CASK: variants seen among roughly 807,000 people sequenced by gnomAD.
CASK encodes calcium/calmodulin dependent serine protein kinase.
In CASK, 4 loss-of-function variants were observed where a neutral mutation model predicts 82.9. The observed-to-expected ratio is 0.05, with a 90% CI of 0.02 to 0.11. The LOEUF (loss-of-function observed/expected upper bound fraction) is 0.11, where lower values mean the gene tolerates loss of function less well. Among genes scored for constraint, CASK ranks in the 10% least tolerant of loss-of-function variants. CASK has a pLI of 1.00. For synonymous variants in CASK, 259 were observed against 253.5 expected (o/e 1.02, Z -0.20); for missense variants, 358 against 720.9 (o/e 0.50, Z 5.76).
chrX:41,833,795 C>T (rs746911489), intron 2 of CASK, among the ~76,000 whole-genome samples: 1 of 111,855 alleles, frequency 8.9e-6, no homozygotes, highest in South Asian at 3.8e-4. Flanking sequence ...GTCGCCCAGG[C>T]TGGAGTGCAG....
At chrX:41,763,215 T>C (rs186414668) in intron 3 of CASK, among the ~76,000 whole-genome samples, 50 of 111,539 alleles carry the variant, frequency 4.5e-4, no homozygotes, top group African/African-American at 1.5e-3. Flanking sequence ...TTTGGGGTCA[T>C]GTGCAAGCGC....
intron 25 of CASK, chrX:41,524,854 TCCAAGGAACAAAAC>T (rs1233453700): frequency 9.0e-6 from 1 of 111,235 alleles, no homozygotes; most frequent in East Asian, 2.8e-4. Context: ...CAAACTCCCT[TCCAAGGAACAAAAC>T]CCAACACATA....
chrX:41,707,181 T>C (rs1012858280), intron 5 of CASK, among the ~76,000 whole-genome samples: 1 of 112,507 alleles, frequency 8.9e-6, no homozygotes, highest in Non-Finnish European at 1.9e-5. Flanking sequence ...AGACTTGCTT[T>C]GACCAATAAA....
chrX:41,608,329 C>A (rs1405023041), intron 12 of CASK, among the ~76,000 whole-genome samples: 1 of 112,213 alleles, frequency 8.9e-6, no homozygotes, highest in Non-Finnish European at 1.9e-5. Flanking sequence ...TAGCATTTCC[C>A]AAACTTATTT....
intron 25 of CASK, among the ~76,000 whole-genome samples, chrX:41,530,396 G>A (rs1439018454): frequency 8.9e-6 from 1 of 112,042 alleles, no homozygotes; most frequent in African/African-American, 3.2e-5. Context: ...TCTCTTTTGA[G>A]TCCTCTTCCA....
At chrX:41,595,440 C>CA (rs942436656) in intron 12 of CASK, among the ~76,000 whole-genome samples, 24 of 109,040 alleles carry the variant, frequency 2.2e-4, no homozygotes, top group African/African-American at 7.4e-4. Context: ...TCTGTCTCTA[C>CA]AAAAAAATAA....
intron 5 of CASK, among the ~76,000 whole-genome samples, chrX:41,672,953 A>T (rs1327229814): frequency 8.9e-6 from 1 of 112,373 alleles, no homozygotes; most frequent in Non-Finnish European, 1.9e-5. Flanking sequence ...CAATGACAAC[A>T]GACTAAGATG....
chrX:41,527,973 C>T (rs2064738442), intron 25 of CASK, among the ~76,000 whole-genome samples: 1 of 112,374 alleles, frequency 8.9e-6, no homozygotes. Flanking sequence ...AAAAATGAGG[C>T]TTTACATTGT....
chrX:41,735,119 TGAGA>T (rs1428516509), intron 5 of CASK, among the ~76,000 whole-genome samples: 1 of 109,878 alleles, frequency 9.1e-6, no homozygotes, highest in African/African-American at 3.3e-5. Context: ...CCAAGAATTA[TGAGA>T]GAGAGAGAGA....
chrX:41,676,011 G>A (rs1180647392), intron 5 of CASK: 1 of 1,205,750 alleles, frequency 8.3e-7, no homozygotes, highest in Non-Finnish European at 1.1e-6. Context: ...GGATGTGTTG[G>A]TTGCATTTCC....
At chrX:41,640,228 G>A (rs185360511) in intron 8 of CASK, among the ~76,000 whole-genome samples, 2 of 109,789 alleles carry the variant, frequency 1.8e-5, no homozygotes, top group Admixed American at 9.8e-5. Context: ...TTTTGAAATG[G>A]AGTCTTGCTC....
At chrX:41,922,494 T>C (rs928988028) in intron 1 of CASK, among the ~76,000 whole-genome samples, 12 of 111,633 alleles carry the variant, frequency 1.1e-4, no homozygotes, top group Non-Finnish European at 2.1e-4. Context: ...CTGTCTAATA[T>C]CCCGCACAAT....
In CASK at chrX:41,573,079, T is replaced by C. The variant is rs1377561229; in HGVS notation, c.1504-3333A>G. ...TGTGTGTAAAATTTCTTTTTTCTTT[T>C]TTTTTTTTTTTTTGAGATGGAGTCT... On this transcript the variant is annotated intron_variant, in intron 15 of 26. Coordinates refer to ENST00000378163, the MANE Select transcript of CASK (RefSeq NM_001367721.1). Among the ~76,000 whole-genome samples the C allele has an allele frequency of 1.5e-4, 16 of 103,414 alleles. No individual in the cohort carries two copies. In the Admixed American group the frequency reaches 1.7e-3, roughly 11 times the overall value. The allele number at this position is 103,414 out of a possible 115,157, so 89.8% of individuals were successfully genotyped here. A position where few individuals can be genotyped will look rare whatever the true frequency, so the allele number is the denominator to read the frequency against.
chrX:41,669,713 T>C (rs989917386), intron 6 of CASK, among the ~76,000 whole-genome samples: 1 of 111,732 alleles, frequency 8.9e-6, no homozygotes, highest in Non-Finnish European at 1.9e-5. Flanking sequence ...AAAAAGCTAA[T>C]GCAATTTGGG....
At chrX:41,553,363 G>A (rs1385258468) in intron 21 of CASK, among the ~76,000 whole-genome samples, 2 of 111,698 alleles carry the variant, frequency 1.8e-5, no homozygotes, top group African/African-American at 3.3e-5. Flanking sequence ...ATGAAAGCAT[G>A]TAGAAGGGCA....
chrX:41,527,601 C>T (rs1252321713), intron 25 of CASK, among the ~76,000 whole-genome samples: 1 of 111,975 alleles, frequency 8.9e-6, no homozygotes, highest in Non-Finnish European at 1.9e-5. Flanking sequence ...CAGAACCCAT[C>T]TCAAGAGAGA....
intron 9 of CASK, among the ~76,000 whole-genome samples, chrX:41,635,937 C>T (rs1378006331): frequency 1.2e-5 from 1 of 85,891 alleles, no homozygotes; most frequent in African/African-American, 4.6e-5. Flanking sequence ...GCTCTTGTTG[C>T]CTAAGCTGGA....
chrX:41,837,082 C>G (rs922739299), intron 2 of CASK, among the ~76,000 whole-genome samples: 3 of 111,966 alleles, frequency 2.7e-5, no homozygotes, highest in African/African-American at 9.7e-5. Context: ...TACCTATACT[C>G]CTAAATATTT....
chrX:41,840,400 C>T (rs1288861310), intron 2 of CASK, among the ~76,000 whole-genome samples: 6 of 111,941 alleles, frequency 5.4e-5, no homozygotes, highest in Admixed American at 9.4e-5. Flanking sequence ...TGTAAGAAAG[C>T]GATAGACTTT....
Sources: gnomAD v4.1 joint callset for allele counts (sites outside exome capture counted in the v4.1 genomes callset) on GRCh38, gnomAD v4.1.1 for gene constraint, MANE v1.5 for transcripts, NCBI Gene and HGNC (gene_info 2026-07-23, HGNC 2026-07-21) for gene names.